The following TAFA1 variants were observed in gnomAD, a reference collection of about 807,000 sequenced individuals.
The protein encoded by TAFA1 is TAFA chemokine like family member 1.
In TAFA1, 4 loss-of-function variants were observed where a neutral mutation model predicts 18.5. That is an observed-to-expected ratio of 0.22 (90% CI 0.11 to 0.49). The LOEUF is 0.49. TAFA1 is among the 20% of genes least tolerant of loss of function. The pLI is 0.98. For synonymous variants in TAFA1, 56 were observed against 55.2 expected, an observed-to-expected ratio of 1.01 and a Z score of -0.06; for missense variants, 147 against 169.0, an observed-to-expected ratio of 0.87 and a Z score of 0.72.
At chr3:68,471,481 GGAGCTGCCCAAGGCC>G (rs2071996770) in intron 3 of TAFA1, among the ~76,000 whole-genome samples, 1 of 152,168 alleles carries the variant, frequency 6.6e-6, no homozygotes, top group African/African-American at 2.4e-5. Context: ...CCAGAGGGGT[GGAGCTGCCCAAGGCC>G]ATGGGAGGCC....
At chr3:68,143,143 A>G (rs1222612552) in intron 2 of TAFA1, among the ~76,000 whole-genome samples, 1 of 152,178 alleles carries the variant, frequency 6.6e-6, no homozygotes, top group Non-Finnish European at 1.5e-5. Flanking sequence ...ACATAACTAG[A>G]TGACTTAAAG....
chr3:68,036,020 GACT>G (rs1255625445), intron 2 of TAFA1, among the ~76,000 whole-genome samples: 2 of 152,156 alleles, frequency 1.3e-5, no homozygotes, highest in Admixed American at 6.6e-5. Context: ...GGTAGGCATT[GACT>G]ACAAAGAGTC....
chr3:68,208,351 G>A (rs577584050), intron 2 of TAFA1, among the ~76,000 whole-genome samples: 1 of 152,090 alleles, frequency 6.6e-6, no homozygotes, highest in East Asian at 1.9e-4. Context: ...ACAGCAAGCT[G>A]TAACTTCATG....
intron 2 of TAFA1, among the ~76,000 whole-genome samples, chr3:68,194,037 A>G (rs532778290): frequency 6.6e-6 from 1 of 151,920 alleles, no homozygotes; most frequent in Admixed American, 6.6e-5. Context: ...CTGAAAGACT[A>G]ATGACTCTCT....
chr3:68,068,891 A>G (rs931686485), intron 2 of TAFA1, among the ~76,000 whole-genome samples: 4 of 152,204 alleles, frequency 2.6e-5, no homozygotes, highest in African/African-American at 9.6e-5. Context: ...TACATGCATT[A>G]TCTGATTTAA....
At chr3:68,082,921 G>T (rs1460966807) in intron 2 of TAFA1, among the ~76,000 whole-genome samples, 1 of 152,134 alleles carries the variant, frequency 6.6e-6, no homozygotes, top group Admixed American at 6.5e-5. Flanking sequence ...TGCCTTCTTG[G>T]TTTATCCACT....
intron 2 of TAFA1, among the ~76,000 whole-genome samples, chr3:68,208,439 C>T (rs972569723): frequency 4.0e-5 from 6 of 151,868 alleles, no homozygotes; most frequent in African/African-American, 1.5e-4. Context: ...TAGGGTCCCA[C>T]CAGATTTAAG....
At chr3:68,183,109 C>A (rs2066224621) in intron 2 of TAFA1, among the ~76,000 whole-genome samples, 1 of 152,098 alleles carries the variant, frequency 6.6e-6, no homozygotes, top group African/African-American at 2.4e-5. Flanking sequence ...CAATAGTATA[C>A]CTGCCCCATC....
chr3:68,394,683 A>C (rs924203628), intron 2 of TAFA1, among the ~76,000 whole-genome samples: 1 of 151,806 alleles, frequency 6.6e-6, no homozygotes, highest in East Asian at 1.9e-4. Flanking sequence ...CCACAAACAA[A>C]AACAAGCAAT....
At chr3:68,504,438 A>G (rs1207604089) in intron 3 of TAFA1, among the ~76,000 whole-genome samples, 5 of 152,180 alleles carry the variant, frequency 3.3e-5, no homozygotes, top group Non-Finnish European at 7.4e-5. Flanking sequence ...GAGCATCTTA[A>G]CTAGGGCTGA....
chr3:68,117,773 T>A (rs1307488684), intron 2 of TAFA1, among the ~76,000 whole-genome samples: 1 of 152,260 alleles, frequency 6.6e-6, no homozygotes. Context: ...CATCAATTTA[T>A]AATGAAAGTT....
rs1014169213 is a variant in TAFA1, at chr3:68,372,958, G to T, written c.119-44322G>T. On this transcript the variant is annotated intron_variant, in intron 2 of 4. Coordinates refer to ENST00000478136, the MANE Select transcript of TAFA1 (RefSeq NM_213609.4). The stretch of plus-strand genomic sequence containing the variant: ...AAACAGGAAGGCCGCTGCCTGTTCA[G>T]ACAGGAACATGTAGGGTGCCTCTAC... 3.9e-5 allele frequency among the ~76,000 whole-genome samples: 6 copies of T among 152,166 alleles called. No individual in the cohort carries two copies. The East Asian group carries it at 9.6e-4, about 24-fold the overall frequency.
At chr3:68,502,134 C>G (rs1425977260) in intron 3 of TAFA1, among the ~76,000 whole-genome samples, 1 of 152,120 alleles carries the variant, frequency 6.6e-6, no homozygotes, top group Non-Finnish European at 1.5e-5. Flanking sequence ...TTTTATAATA[C>G]TATTTTTGCT....
At chr3:68,381,317 G>A (rs968008234) in intron 2 of TAFA1, among the ~76,000 whole-genome samples, 2 of 151,100 alleles carry the variant, frequency 1.3e-5, no homozygotes, top group African/African-American at 4.9e-5. Context: ...AAAGTCATTG[G>A]TAGCTTGATG....
intron 4 of TAFA1, 103 bp downstream of exon 4, chr3:68,538,983 A>C (rs1286173892): frequency 4.2e-6 from 5 of 1,187,058 alleles, no homozygotes; most frequent in Non-Finnish European, 5.9e-6. Flanking sequence ...AGGAGAGAAG[A>C]TTCTCCACTG....
Position 68,043,386 on chromosome 3 carries a change from G to A in TAFA1, c.118+36642G>A, listed in dbSNP as rs917766360. ...ATTTTTGTTCTTTATAAGCCACCTA[G>A]GTCCCCTGAGCCTCTGAGTTTTTCT... On this transcript the variant is annotated intron_variant, in intron 2 of 4. Coordinates refer to ENST00000478136, the MANE Select transcript of TAFA1 (RefSeq NM_213609.4). Among the ~76,000 whole-genome samples the A allele has an allele frequency of 1.3e-3, 192 of 152,232 alleles. 1 individual carries two copies. Among genetic ancestry groups the A allele is most frequent in the African/African-American group, 4.0e-3 (165 of 41,544 alleles).
Position 68,243,413 on chromosome 3 carries a change from T to C in TAFA1, c.119-173867T>C, listed in dbSNP as rs1004768644. Among the ~76,000 whole-genome samples the C allele has an allele frequency of 3.9e-5, 6 of 152,058 alleles. No individual in the cohort carries two copies. The South Asian group carries it at 8.3e-4, about 21-fold the overall frequency. The stretch of plus-strand genomic sequence containing the variant: ...CATCCTCCAGAATTACGATATTTAA[T>C]GTAACATTGCCACAGGGCTTCCTTA... On this transcript the variant is annotated intron_variant, in intron 2 of 4. Coordinates refer to ENST00000478136, the MANE Select transcript of TAFA1 (RefSeq NM_213609.4).
At position 68,531,938 on chromosome 3, in the gene TAFA1, A is replaced by G. The variant is rs185844446; in HGVS notation, c.260-6818A>G. 8.1e-3 allele frequency among the ~76,000 whole-genome samples: 1,230 copies of G among 152,302 alleles called. 16 individuals are homozygous for G. The highest frequency in any genetic ancestry group is 0.027 in the African/African-American group (1,142 of 41,560). On this transcript the variant is annotated intron_variant, in intron 3 of 4. Transcript: ENST00000478136. Reference sequence around the variant, plus strand: ...ACAGAGAAACACATAGGAGCACTCAATAAATGTTAATTATCCTTTTTATTA... The same window carrying G: ...ACAGAGAAACACATAGGAGCACTCAGTAAATGTTAATTATCCTTTTTATTA...
intron 2 of TAFA1, among the ~76,000 whole-genome samples, chr3:68,157,983 T>C (rs539472393): frequency 6.6e-6 from 1 of 152,320 alleles, no homozygotes; most frequent in South Asian, 2.1e-4. Context: ...CCCTCAGTCT[T>C]GGATTTAACA....
Sources: gnomAD v4.1 joint callset for allele counts (sites outside exome capture counted in the v4.1 genomes callset) on GRCh38, gnomAD v4.1.1 for gene constraint, MANE v1.5 for transcripts, NCBI Gene and HGNC (gene_info 2026-07-23, HGNC 2026-07-21) for gene names.